Variants in HOOK1 observed in about 807,000 individuals in gnomAD.
HOOK1 encodes protein Hook homolog 1.
In HOOK1, 60 loss-of-function variants were observed where a neutral mutation model predicts 112.8. The ratio of observed to expected loss-of-function variants is 0.53; its 90% CI spans 0.43 to 0.66. The LOEUF (loss-of-function observed/expected upper bound fraction) is 0.66, where lower values mean the gene tolerates loss of function less well. Among genes scored for constraint, HOOK1 ranks in the 30% least tolerant of loss-of-function variants. The probability of loss-of-function intolerance (pLI) is 0.00; values close to 1 mark genes in which losing one functional copy is unlikely to be tolerated. For synonymous variants in HOOK1, 294 were observed against 283.8 expected (o/e 1.04, Z -0.36); for missense variants, 770 against 856.0 (o/e 0.90, Z 1.25).
chr1:59,829,908 T>G (rs2098392567), intron 3 of HOOK1, among the ~76,000 whole-genome samples: 1 of 152,088 alleles, frequency 6.6e-6, no homozygotes, highest in African/African-American at 2.4e-5. Context: ...GTTACTTTAT[T>G]TTCATTCAGT....
chr1:59,854,938 A>C (rs549623777), intron 12 of HOOK1, among the ~76,000 whole-genome samples: 1 of 152,348 alleles, frequency 6.6e-6, no homozygotes, highest in South Asian at 2.1e-4. Flanking sequence ...TAGCCTATAC[A>C]TGGTAAAACA....
intron 12 of HOOK1, among the ~76,000 whole-genome samples, chr1:59,854,342 G>A (rs1037655897): frequency 1.3e-5 from 2 of 151,552 alleles, no homozygotes; most frequent in Non-Finnish European, 2.9e-5. Context: ...AAGCCACCGC[G>A]CCCAGCCATT....
chr1:59,829,522 T>C (rs925711276), intron 3 of HOOK1, among the ~76,000 whole-genome samples: 1 of 152,084 alleles, frequency 6.6e-6, no homozygotes, highest in Admixed American at 6.5e-5. Context: ...TTGTAGGACA[T>C]TTGTTTCATA....
chr1:59,868,482 GT>G, intron 20 of HOOK1, 131 bp downstream of exon 20: 1 of 672,120 alleles, frequency 1.5e-6, no homozygotes, highest in Non-Finnish European at 2.6e-6. Context: ...CACCCAGTGT[GT>G]TTATTACAAA....
intron 12 of HOOK1, among the ~76,000 whole-genome samples, chr1:59,856,113 CT>C (rs759844337): frequency 3.6e-3 from 414 of 114,006 alleles, no homozygotes; most frequent in Middle Eastern, 5.7e-3. Flanking sequence ...TTTTGCTTTG[CT>C]TTTTTTTTTT....
At chr1:59,848,921 T>C in intron 11 of HOOK1, 152 bp from the exon 12 acceptor site, 2 of 482,070 alleles carry the variant, frequency 4.1e-6, no homozygotes, top group Non-Finnish European at 7.5e-6. Flanking sequence ...TATCTATATG[T>C]TATTTTCCAC....
chr1:59,822,520 GTAATCATA>G, intron 2 of HOOK1, among the ~76,000 whole-genome samples: 1 of 152,282 alleles, frequency 6.6e-6, no homozygotes, highest in Non-Finnish European at 1.5e-5. Context: ...CCCATTTTAT[GTAATCATA>G]TAATATCAAA....
chr1:59,842,329 A>T (rs2098401457), intron 8 of HOOK1, among the ~76,000 whole-genome samples: 1 of 152,074 alleles, frequency 6.6e-6, no homozygotes, highest in African/African-American at 2.4e-5. Flanking sequence ...GAAACTCTTT[A>T]TTCTTTTTTG....
intron 1 of HOOK1, 195 bp downstream of exon 1, chr1:59,815,375 C>T: frequency 5.1e-6 from 3 of 591,302 alleles, no homozygotes; most frequent in Non-Finnish European, 8.9e-6. Flanking sequence ...GGTTGGTGTC[C>T]GGGGGTGGGG....
At position 59,865,253 on chromosome 1, in the gene HOOK1, T is replaced by C. The variant is rs1011279713; in HGVS notation, c.1744+8T>C. On this transcript the variant is annotated splice_region_variant and intron_variant, in intron 18 of 21. Transcript: ENST00000371208. The stretch of plus-strand genomic sequence containing the variant: ...CAGATATAAATCAAAATGGTAGGTA[T>C]CTGTGAAAACTTGGATCAGACAACA... The C allele has an allele frequency of 5.8e-6, 9 of 1,557,498 alleles. No homozygotes were observed. Among genetic ancestry groups the C allele is most frequent in the Non-Finnish European group, 4.4e-6 (5 of 1,128,606 alleles).
chr1:59,864,066 C>A (rs1363276000), intron 16 of HOOK1, among the ~76,000 whole-genome samples: 1 of 151,726 alleles, frequency 6.6e-6, no homozygotes, highest in Non-Finnish European at 1.5e-5. Flanking sequence ...AGATGCGGAA[C>A]GACTATTGCA....
intron 3 of HOOK1, 103 bp downstream of exon 3, chr1:59,828,955 G>C: frequency 2.4e-6 from 2 of 829,928 alleles, no homozygotes; most frequent in Non-Finnish European, 3.8e-6. Context: ...AGTACTTTTT[G>C]TTGTGTATAG....
At chr1:59,816,475 A>G (rs1251267781) in intron 1 of HOOK1, among the ~76,000 whole-genome samples, 7 of 152,248 alleles carry the variant, frequency 4.6e-5, no homozygotes, top group Non-Finnish European at 1.0e-4. Context: ...TAAAGGGTGT[A>G]TCCGAATCTG....
At position 59,843,534 on chromosome 1, in the gene HOOK1, GTGGT is replaced by G; in HGVS notation, c.727_730del (p.Val243GlnfsTer11). ...TGGCTCTTTTGATGATCCAAACACA[GTGGT>G]TGCAAAAAAGTATTTTCATGCACAA... On this transcript the variant is annotated frameshift_variant, in exon 9 of 22. Transcript: ENST00000371208. LOFTEE classifies it high-confidence loss of function. 6.2e-7 allele frequency: 1 copy of G among 1,609,390 alleles called. No homozygotes were observed. The highest frequency in any genetic ancestry group is 8.5e-7 in the Non-Finnish European group (1 of 1,177,734).
chr1:59,819,724 G>C (rs1376386430), intron 1 of HOOK1, among the ~76,000 whole-genome samples: 1 of 152,046 alleles, frequency 6.6e-6, no homozygotes, highest in Non-Finnish European at 1.5e-5. Flanking sequence ...TGTCAATTTT[G>C]TAAAAAGTTA....
chr1:59,851,993 G>A (rs1212526092), intron 12 of HOOK1, among the ~76,000 whole-genome samples: 6 of 151,354 alleles, frequency 4.0e-5, no homozygotes, highest in East Asian at 1.9e-4. Context: ...ATGTTAAACC[G>A]ATCTTGCATT....
chr1:59,842,644 G>C (rs1457372042), intron 8 of HOOK1, among the ~76,000 whole-genome samples: 1 of 152,040 alleles, frequency 6.6e-6, no homozygotes, highest in Admixed American at 6.6e-5. Context: ...AACTTATTCA[G>C]TAATACACTG....
At chr1:59,869,860 C>T (rs550766077) in intron 20 of HOOK1, among the ~76,000 whole-genome samples, 1 of 152,252 alleles carries the variant, frequency 6.6e-6, no homozygotes, top group South Asian at 2.1e-4. Flanking sequence ...TTAATACTGT[C>T]TCACTCTCCA....
At chr1:59,838,377 G>GAC (rs2098399128) in intron 7 of HOOK1, among the ~76,000 whole-genome samples, 1 of 152,016 alleles carries the variant, frequency 6.6e-6, no homozygotes, top group Non-Finnish European at 1.5e-5. Context: ...ACTTTTTAAT[G>GAC]TTCGCCATTC....
Sources: gnomAD v4.1 joint callset for allele counts (sites outside exome capture counted in the v4.1 genomes callset) on GRCh38, gnomAD v4.1.1 for gene constraint, MANE v1.5 for transcripts, NCBI Gene and HGNC (gene_info 2026-07-23, HGNC 2026-07-21) for gene names.